SAXO4: variants seen among roughly 807,000 people sequenced by gnomAD.
SAXO4 encodes stabilizer of axonemal microtubules 4.
At chr11:61,486,535 C>T in the SAXO4 span, 1 of 1,614,148 alleles carries the variant, frequency 6.2e-7, no homozygotes, top group Non-Finnish European at 8.5e-7. Flanking sequence ...GAGATGAGTT[C>T]CTACCTGTGT....
the SAXO4 span, chr11:61,482,418 C>T: frequency 6.2e-7 from 1 of 1,613,918 alleles, no homozygotes; most frequent in African/African-American, 1.3e-5. Context: ...CTTAGACAAC[C>T]CGGCCAGGGG....
the SAXO4 span, among the ~76,000 whole-genome samples, chr11:61,487,471 G>A: frequency 6.6e-6 from 1 of 152,138 alleles, no homozygotes; most frequent in Non-Finnish European, 1.5e-5. Flanking sequence ...TAATGAGCAT[G>A]TTACTAGGCC....
chr11:61,486,762 G>A, the SAXO4 span: 1 of 899,814 alleles, frequency 1.1e-6, no homozygotes, highest in Non-Finnish European at 1.8e-6. Context: ...AAGAGAGCCT[G>A]GGCCTTCCTG....
chr11:61,483,421 C>T, the SAXO4 span, among the ~76,000 whole-genome samples: 2 of 152,030 alleles, frequency 1.3e-5, no homozygotes, highest in East Asian at 3.9e-4. Flanking sequence ...CCGCCTCAGC[C>T]TCCCAAAGTG....
chr11:61,485,799 AT>A, the SAXO4 span: 1 of 1,613,054 alleles, frequency 6.2e-7, no homozygotes. Flanking sequence ...TCTTTTGCAG[AT>A]TTCTTGCAGA....
chr11:61,486,419 G>C, the SAXO4 span: 1 of 1,614,074 alleles, frequency 6.2e-7, no homozygotes, highest in South Asian at 1.1e-5. Flanking sequence ...CTGAGCTAGG[G>C]GGAGGCTGGG....
chr11:61,482,994 C>G, the SAXO4 span, among the ~76,000 whole-genome samples: 4 of 151,270 alleles, frequency 2.6e-5, no homozygotes, highest in East Asian at 5.8e-4. Context: ...CACCTCTATT[C>G]CCTGCCCCAG....
the SAXO4 span, chr11:61,486,532 G>A: frequency 6.2e-7 from 1 of 1,614,126 alleles, no homozygotes; most frequent in South Asian, 1.1e-5. Flanking sequence ...AGGGAGATGA[G>A]TTCCTACCTG....
the SAXO4 span, chr11:61,490,515 C>G: frequency 1.7e-3 from 2,724 of 1,614,142 alleles, 3 homozygotes; most frequent in Middle Eastern, 0.011. Flanking sequence ...CTGACCTCAG[C>G]TGACCCCTTC....
chr11:61,481,782 G>GC, the SAXO4 span: 1 of 1,351,176 alleles, frequency 7.4e-7, no homozygotes, highest in Non-Finnish European at 9.9e-7. Context: ...TCCTTTCTAG[G>GC]CCCCCTGGGG....
chr11:61,485,784 G>A, the SAXO4 span: 1 of 1,607,316 alleles, frequency 6.2e-7, no homozygotes, highest in Non-Finnish European at 8.5e-7. Flanking sequence ...AGCACACAGG[G>A]CATTTCTTTT....
chr11:61,486,515 TC>T, the SAXO4 span: 1 of 1,613,930 alleles, frequency 6.2e-7, no homozygotes, highest in Non-Finnish European at 8.5e-7. Context: ...GCTGCTTTGC[TC>T]CCTCCAGGGA....
At chr11:61,490,095 T>G in the SAXO4 span, 1 of 779,802 alleles carries the variant, frequency 1.3e-6, no homozygotes, top group Non-Finnish European at 2.0e-6. Flanking sequence ...TCCCTTCTCC[T>G]GCTAGCACAG....
the SAXO4 span, chr11:61,490,876 G>A: frequency 2.1e-6 from 1 of 473,114 alleles, no homozygotes; most frequent in Admixed American, 3.5e-5. Flanking sequence ...ATCCCCCAGG[G>A]GAACACCCCT....
At chr11:61,482,764 G>A in the SAXO4 span, 1 of 1,613,420 alleles carries the variant, frequency 6.2e-7, no homozygotes, top group Non-Finnish European at 8.5e-7. Flanking sequence ...GACCAGCTCA[G>A]GCTATGGGCG....
At chr11:61,484,943 C>A in the SAXO4 span, 1 of 1,205,176 alleles carries the variant, frequency 8.3e-7, no homozygotes, top group Non-Finnish European at 1.1e-6. Flanking sequence ...GCTCAGGGCG[C>A]CAAGAAAGAT....
the SAXO4 span, chr11:61,484,643 G>A: frequency 2.7e-3 from 4,408 of 1,606,694 alleles, 57 homozygotes; most frequent in South Asian, 0.02. Flanking sequence ...GAGTCAGGGA[G>A]TGACTGCCGC....
chr11:61,486,306 C>T, the SAXO4 span: 1 of 1,610,750 alleles, frequency 6.2e-7, no homozygotes, highest in Non-Finnish European at 8.5e-7. Context: ...CCCAGGCTGC[C>T]TCTGCGGGGC....
chr11:61,487,258 G>T, the SAXO4 span: 3 of 1,603,566 alleles, frequency 1.9e-6, no homozygotes, highest in South Asian at 3.3e-5. Flanking sequence ...CCGCTTCCTG[G>T]TCCAAAGCTG....
Sources: allele counts gnomAD v4.1 joint callset (sites outside exome capture counted in the v4.1 genomes callset), GRCh38; gene constraint gnomAD v4.1.1; transcripts MANE v1.5; gene names NCBI Gene and HGNC (gene_info 2026-07-23, HGNC 2026-07-21).